Variants in WNT7A observed in about 807,000 individuals in gnomAD.
WNT7A encodes the protein Wnt family member 7A, also known as protein Wnt-7a.
A neutral mutation model predicts 28.2 loss-of-function variants in WNT7A; 16 were observed. That is an observed-to-expected ratio of 0.57 (90% CI 0.38 to 0.86). The LOEUF (loss-of-function observed/expected upper bound fraction) is 0.86, where lower values mean the gene tolerates loss of function less well. WNT7A is among the 40% of genes least tolerant of loss of function. The pLI is 0.00. For synonymous variants in WNT7A, 190 were observed against 195.9 expected, an observed-to-expected ratio of 0.97 and a Z score of 0.25; for missense variants, 411 against 489.7, an observed-to-expected ratio of 0.84 and a Z score of 1.52.
At chr3:13,855,588 G>A (rs1033810461) in intron 2 of WNT7A, among the ~76,000 whole-genome samples, 6 of 152,170 alleles carry the variant, frequency 3.9e-5, no homozygotes, top group South Asian at 2.1e-4. Flanking sequence ...AGGAGACAGC[G>A]TGGGACAGGC....
At chr3:13,860,991 G>A (rs75575911) in intron 2 of WNT7A, among the ~76,000 whole-genome samples, 1,856 of 152,298 alleles carry the variant, frequency 0.012, 38 homozygotes, top group African/African-American at 0.041. Context: ...TGGCAACAAC[G>A]TGGGAGGTGG....
chr3:13,877,428 A>AT (rs1373110345), intron 1 of WNT7A, among the ~76,000 whole-genome samples: 2 of 152,122 alleles, frequency 1.3e-5, no homozygotes, highest in Non-Finnish European at 2.9e-5. Flanking sequence ...GCATGAGAAG[A>AT]TTAAGTGGAG....
intron 2 of WNT7A, among the ~76,000 whole-genome samples, chr3:13,860,213 G>A (rs1262014682): frequency 1.3e-5 from 2 of 152,136 alleles, no homozygotes; most frequent in Non-Finnish European, 2.9e-5. Context: ...TTGAGGAAAT[G>A]GAGGCTCTGA....
rs1429404762 is a variant in WNT7A at position 13,817,012 on chromosome 3, G to GTGA, written c.*1929_*1931dup. 2 of 152,218 alleles carry GTGA rather than the reference G, an allele frequency of 1.3e-5. No individual in the cohort carries two copies. The highest frequency in any genetic ancestry group is 2.9e-5 in the Non-Finnish European group (2 of 68,064). The allele number at this position is 152,218 out of a possible 1,614,324, so 9.4% of individuals were successfully genotyped here. On this transcript the variant is annotated 3_prime_UTR_variant, in exon 4 of 4. Transcript: ENST00000285018. ...CCAGTCACTTTTATTTGCCCATGCT[G>GTGA]TGATCCAGGCTCAGTGTGGACACTG...
At chr3:13,850,466 C>T (rs1046428780) in intron 3 of WNT7A, among the ~76,000 whole-genome samples, 24 of 152,168 alleles carry the variant, frequency 1.6e-4, no homozygotes, top group Admixed American at 6.5e-4. Flanking sequence ...CAGGAAGGGA[C>T]AAGACCGACA....
At chr3:13,868,591 G>GA (rs1559306962) in intron 2 of WNT7A, among the ~76,000 whole-genome samples, 1 of 13,500 alleles carries the variant, frequency 7.4e-5, no homozygotes, top group African/African-American at 3.8e-4. Context: ...AGAGAGAGAG[G>GA]GAGAAAGAAA....
intron 3 of WNT7A, among the ~76,000 whole-genome samples, chr3:13,827,721 G>A (rs1027915164): frequency 3.9e-5 from 6 of 152,104 alleles, no homozygotes; most frequent in Non-Finnish European, 8.8e-5. Context: ...TCCTATGACT[G>A]GAAGTGTCTG....
At chr3:13,878,188 G>A (rs1683194392) in intron 1 of WNT7A, among the ~76,000 whole-genome samples, 1 of 152,080 alleles carries the variant, frequency 6.6e-6, no homozygotes, top group Non-Finnish European at 1.5e-5. Flanking sequence ...CGGCGCCGGC[G>A]GGAGGGCGGC....
At chr3:13,867,801 C>T (rs181732803) in intron 2 of WNT7A, among the ~76,000 whole-genome samples, 28 of 152,304 alleles carry the variant, frequency 1.8e-4, no homozygotes, top group Admixed American at 1.8e-3. Context: ...AGAGGTAACT[C>T]GTGGAAGAGC....
chr3:13,836,848 G>A (rs564768423), intron 3 of WNT7A, among the ~76,000 whole-genome samples: 20 of 152,370 alleles, frequency 1.3e-4, no homozygotes, highest in African/African-American at 4.6e-4. Flanking sequence ...GGAGTGCAAT[G>A]CCCTGGGGCT....
intron 3 of WNT7A, among the ~76,000 whole-genome samples, chr3:13,835,054 G>C (rs564983396): frequency 6.6e-6 from 1 of 152,188 alleles, no homozygotes; most frequent in Non-Finnish European, 1.5e-5. Context: ...AGGAGTCGAC[G>C]AGACAAAAAG....
intron 3 of WNT7A, among the ~76,000 whole-genome samples, chr3:13,851,958 C>T (rs771016075): frequency 2.0e-5 from 3 of 152,252 alleles, no homozygotes; most frequent in Non-Finnish European, 4.4e-5. Flanking sequence ...CATTCTGATT[C>T]GGCCTGCAGA....
chr3:13,860,757 G>A (rs888129047), intron 2 of WNT7A, among the ~76,000 whole-genome samples: 6 of 152,136 alleles, frequency 3.9e-5, no homozygotes, highest in African/African-American at 9.7e-5. Context: ...TCAGCTGTAC[G>A]GGGAAGCCCC....
chr3:13,851,322 A>T (rs1694633538), intron 3 of WNT7A, among the ~76,000 whole-genome samples: 1 of 152,182 alleles, frequency 6.6e-6, no homozygotes, highest in Non-Finnish European at 1.5e-5. Context: ...GCCCCTCTGC[A>T]GCCTCGTCAC....
At chr3:13,833,047 C>A (rs1242311828) in intron 3 of WNT7A, among the ~76,000 whole-genome samples, 2 of 152,020 alleles carry the variant, frequency 1.3e-5, no homozygotes, top group Non-Finnish European at 2.9e-5. Context: ...AGCCCCTCAC[C>A]CCAGATTCAT....
intron 3 of WNT7A, among the ~76,000 whole-genome samples, chr3:13,848,578 G>A (rs900452128): frequency 3.9e-5 from 6 of 152,186 alleles, no homozygotes; most frequent in African/African-American, 1.4e-4. Context: ...AAACAGTGAT[G>A]TCACCAAATG....
Position 13,862,288 on chromosome 3 carries a change from G to A in WNT7A, c.299-7485C>T, listed in dbSNP as rs76961199. Among the ~76,000 whole-genome samples, 1,002 of 152,324 alleles carry A rather than the reference G, an allele frequency of 6.6e-3. 4 individuals carry two copies. Among genetic ancestry groups the A allele is most frequent in the Non-Finnish European group, 0.01 (703 of 68,030 alleles). ...GTTCCAGCTCCATAACGATCCCAGCGGGTACAGAGGAAATAAACTGATGTC... is the reference window on the plus strand; with the variant it reads ...GTTCCAGCTCCATAACGATCCCAGCAGGTACAGAGGAAATAAACTGATGTC... On this transcript the variant is annotated intron_variant, in intron 2 of 3. Transcript: ENST00000285018.
At chr3:13,876,272 T>A (rs1378404180) in intron 1 of WNT7A, among the ~76,000 whole-genome samples, 2 of 152,304 alleles carry the variant, frequency 1.3e-5, no homozygotes, top group East Asian at 3.9e-4. Context: ...AAAGAACCCA[T>A]GGAAACTGCT....
chr3:13,822,338 T>C (rs532959152), intron 3 of WNT7A, among the ~76,000 whole-genome samples: 16 of 152,360 alleles, frequency 1.1e-4, no homozygotes, highest in African/African-American at 3.6e-4. Context: ...CCTCAACTAT[T>C]AATGGATAAG....
Sources: allele counts gnomAD v4.1 joint callset (sites outside exome capture counted in the v4.1 genomes callset), GRCh38; gene constraint gnomAD v4.1.1; transcripts MANE v1.5; gene names NCBI Gene and HGNC (gene_info 2026-07-23, HGNC 2026-07-21).